The following NCAM2 variants were observed in gnomAD, a reference collection of about 807,000 sequenced individuals.
The protein encoded by NCAM2 is neural cell adhesion molecule 2.
NCAM2 carries 30 observed loss-of-function variants against 98.1 expected under a neutral mutation model. The ratio of observed to expected loss-of-function variants is 0.31; its 90% CI spans 0.23 to 0.41. NCAM2 has a LOEUF of 0.41. Ranked by LOEUF, NCAM2 falls within the 10% of genes least tolerant of loss-of-function variation. The pLI, the probability that NCAM2 is intolerant of heterozygous loss-of-function variation, is 1.00. For synonymous variants in NCAM2, 368 were observed against 342.4 expected, an observed-to-expected ratio of 1.07 and a Z score of -0.83; for missense variants, 867 against 1,005.8, an observed-to-expected ratio of 0.86 and a Z score of 1.87.
intron 12 of NCAM2, among the ~76,000 whole-genome samples, chr21:21,460,153 TTTTG>T (rs774619866): frequency 1.3e-5 from 2 of 151,936 alleles, no homozygotes; most frequent in Non-Finnish European, 2.9e-5. Flanking sequence ...TCATTTTTAT[TTTTG>T]TTTGTATTGA....
At chr21:21,054,651 A>T (rs567972786) in intron 1 of NCAM2, among the ~76,000 whole-genome samples, 2 of 152,032 alleles carry the variant, frequency 1.3e-5, no homozygotes, top group Admixed American at 1.3e-4. Context: ...ACCGATGTCT[A>T]TTTTAAATTG....
chr21:21,380,349 C>T (rs984523591), intron 9 of NCAM2, among the ~76,000 whole-genome samples: 3 of 152,146 alleles, frequency 2.0e-5, no homozygotes, highest in African/African-American at 7.2e-5. Context: ...TTGAGGCTTA[C>T]AATGAGACAC....
chr21:21,386,900 G>A (rs1287387761), intron 9 of NCAM2, among the ~76,000 whole-genome samples: 3 of 152,130 alleles, frequency 2.0e-5, no homozygotes, highest in African/African-American at 7.2e-5. Flanking sequence ...CTGTTTAACA[G>A]TCAGAAATAC....
chr21:21,049,871 C>CA (rs11412655), intron 1 of NCAM2, among the ~76,000 whole-genome samples: 30,586 of 139,470 alleles, frequency 0.22, 3,320 homozygotes, highest in Non-Finnish European at 0.27. Flanking sequence ...AACTCCATCT[C>CA]AAAAAAAAAA....
intron 1 of NCAM2, chr21:21,147,322 T>G: frequency 1.0e-6 from 1 of 972,068 alleles, no homozygotes; most frequent in Non-Finnish European, 1.2e-6. Flanking sequence ...ATTTATTTGT[T>G]GAATGTTGAA....
chr21:21,234,063 G>A (rs1892380162), intron 1 of NCAM2, among the ~76,000 whole-genome samples: 1 of 151,790 alleles, frequency 6.6e-6, no homozygotes, highest in Admixed American at 6.6e-5. Flanking sequence ...CAGTGACAAA[G>A]AGTGTATTTA....
At chr21:21,406,818 T>C (rs1194878366) in intron 9 of NCAM2, among the ~76,000 whole-genome samples, 2 of 152,210 alleles carry the variant, frequency 1.3e-5, no homozygotes, top group African/African-American at 2.4e-5. Flanking sequence ...ATATTTCATG[T>C]AGTCAGGAAT....
At chr21:21,507,821 T>A (rs539031593) in intron 15 of NCAM2, among the ~76,000 whole-genome samples, 10 of 151,638 alleles carry the variant, frequency 6.6e-5, no homozygotes, top group Admixed American at 5.9e-4. Context: ...TAAACTGTTA[T>A]GCAAGCTAAT....
At chr21:21,474,418 C>T (rs1464491315) in intron 14 of NCAM2, among the ~76,000 whole-genome samples, 1 of 151,970 alleles carries the variant, frequency 6.6e-6, no homozygotes, top group Non-Finnish European at 1.5e-5. Context: ...ACAGAAGTTT[C>T]ACCTTAAATG....
chr21:21,040,234 T>G (rs1481188159), intron 1 of NCAM2, among the ~76,000 whole-genome samples: 1 of 152,166 alleles, frequency 6.6e-6, no homozygotes, highest in African/African-American at 2.4e-5. Context: ...TGATGCCTTT[T>G]TATTATTAAA....
chr21:21,466,299 T>C (rs1276723229), intron 12 of NCAM2, among the ~76,000 whole-genome samples: 1 of 151,984 alleles, frequency 6.6e-6, no homozygotes, highest in East Asian at 1.9e-4. Context: ...ATTAACATCA[T>C]TCTTGGTTTT....
intron 1 of NCAM2, among the ~76,000 whole-genome samples, chr21:21,206,169 G>A (rs932854262): frequency 1.3e-5 from 2 of 152,134 alleles, no homozygotes; most frequent in South Asian, 4.1e-4. Flanking sequence ...GCGTGTGGGA[G>A]ATAGAATGAT....
At chr21:21,146,840 G>T (rs1317299890) in intron 1 of NCAM2, among the ~76,000 whole-genome samples, 1 of 152,054 alleles carries the variant, frequency 6.6e-6, no homozygotes. Flanking sequence ...ACAAAGACAG[G>T]TTAAACAAAA....
intron 8 of NCAM2, among the ~76,000 whole-genome samples, chr21:21,367,593 G>A (rs2075818728): frequency 6.6e-6 from 1 of 151,888 alleles, no homozygotes; most frequent in Non-Finnish European, 1.5e-5. Flanking sequence ...TATGTAGAAT[G>A]CTTTTGGAAA....
intron 8 of NCAM2, among the ~76,000 whole-genome samples, chr21:21,358,969 C>A (rs1449888461): frequency 6.6e-6 from 1 of 151,916 alleles, no homozygotes; most frequent in Non-Finnish European, 1.5e-5. Flanking sequence ...CCATATAAAT[C>A]AATTAGTAAG....
At chr21:21,284,119 A>G (rs1462048678) in intron 2 of NCAM2, 75 bp from the exon 3 acceptor site, 22 of 1,135,004 alleles carry the variant, frequency 1.9e-5, no homozygotes, top group Admixed American at 1.3e-4. Flanking sequence ...ATATTATTAC[A>G]TAATAGTAAA....
intron 1 of NCAM2, among the ~76,000 whole-genome samples, chr21:21,214,985 T>C (rs1440132907): frequency 6.6e-6 from 1 of 151,744 alleles, no homozygotes; most frequent in Non-Finnish European, 1.5e-5. Context: ...GCAAGTGGAG[T>C]GATGTAATCC....
chr21:21,419,855 T>TA (rs1275873102), intron 11 of NCAM2, among the ~76,000 whole-genome samples: 1 of 152,108 alleles, frequency 6.6e-6, no homozygotes, highest in African/African-American at 2.4e-5. Flanking sequence ...GCATGATTTA[T>TA]AATCCTTTGG....
chr21:21,399,488 T>C (rs944451542), intron 9 of NCAM2, among the ~76,000 whole-genome samples: 1 of 152,222 alleles, frequency 6.6e-6, no homozygotes, highest in African/African-American at 2.4e-5. Context: ...TTGAAGAGTA[T>C]GTAGGACATA....
Sources: allele counts gnomAD v4.1 joint callset (sites outside exome capture counted in the v4.1 genomes callset), GRCh38; gene constraint gnomAD v4.1.1; transcripts MANE v1.5; gene names NCBI Gene and HGNC (gene_info 2026-07-23, HGNC 2026-07-21).